The following RAD51B variants were observed in gnomAD, a reference collection of about 807,000 sequenced individuals.
RAD51B encodes RAD51 paralog B.
A neutral mutation model predicts 42.2 loss-of-function variants in RAD51B; 38 were observed. That is an observed-to-expected ratio of 0.90 (90% CI 0.70 to 1.18). RAD51B has a LOEUF of 1.18. RAD51B is among the 50% of genes most tolerant of loss of function. The probability of loss-of-function intolerance (pLI) is 0.00; values close to 1 mark genes in which losing one functional copy is unlikely to be tolerated. For missense variants in RAD51B, 373 were observed against 400.7 expected, an observed-to-expected ratio of 0.93 and a Z score of 0.59; for synonymous variants, 154 against 145.2, an observed-to-expected ratio of 1.06 and a Z score of -0.43.
Position 68,563,237 on chromosome 14 carries a change from A to G in RAD51B, c.1037-31248A>G, listed in dbSNP as rs1889243266. 5 of 985,236 alleles carry G rather than the reference A, an allele frequency of 5.1e-6. No homozygotes were observed. The South Asian group carries it at 1.9e-4, about 37-fold the overall frequency. 61.0% of individuals were successfully genotyped at this position (985,236 alleles called of 1,614,324 possible). On this transcript the variant is annotated intron_variant, in intron 10 of 10. Coordinates refer to the RAD51B transcript ENST00000487270. The stretch of plus-strand genomic sequence containing the variant: ...CTCCTCCGTCTCTCATTGCCACATC[A>G]TTACCTGCAGAGTTCAATGAAAAGC...
intron 10 of RAD51B, chr14:68,541,595 C>A (rs1362575686): frequency 3.0e-6 from 3 of 985,384 alleles, no homozygotes; most frequent in Non-Finnish European, 3.6e-6. Flanking sequence ...TTTTCTCATC[C>A]CTGAAATTTG....
chr14:68,300,846 G>A (rs890731764), intron 8 of RAD51B, among the ~76,000 whole-genome samples: 1 of 152,192 alleles, frequency 6.6e-6, no homozygotes, highest in African/African-American at 2.4e-5. Context: ...TGTCCCCATG[G>A]TCAGCCATGA....
At chr14:68,601,877 A>G (rs916111943) in intron 10 of RAD51B, among the ~76,000 whole-genome samples, 6 of 152,076 alleles carry the variant, frequency 3.9e-5, no homozygotes, top group African/African-American at 1.4e-4. Flanking sequence ...CACAAGCCCA[A>G]CAGGTCTAAA....
intron 8 of RAD51B, among the ~76,000 whole-genome samples, chr14:68,292,382 G>A (rs2081533961): frequency 6.6e-6 from 1 of 152,156 alleles, no homozygotes; most frequent in African/African-American, 2.4e-5. Flanking sequence ...ATGTGCCAGA[G>A]ATATGACATT....
At chr14:68,601,875 C>A (rs1891232783) in intron 10 of RAD51B, among the ~76,000 whole-genome samples, 1 of 152,126 alleles carries the variant, frequency 6.6e-6, no homozygotes, top group Non-Finnish European at 1.5e-5. Context: ...CCCACAAGCC[C>A]AACAGGTCTA....
chr14:68,450,206 CTTTTTTTTTTTTTT>C (rs67536658), intron 9 of RAD51B, among the ~76,000 whole-genome samples: 2 of 47,906 alleles, frequency 4.2e-5, no homozygotes, highest in African/African-American at 2.0e-4. Flanking sequence ...GAGCTTAGGG[CTTTTTTTTTTTTTT>C]TTTTTTTTTT....
intron 8 of RAD51B, among the ~76,000 whole-genome samples, chr14:68,342,444 C>T (rs764418378): frequency 3.3e-5 from 5 of 152,134 alleles, no homozygotes; most frequent in African/African-American, 4.8e-5. Flanking sequence ...GATAAGGAAG[C>T]ACTTCGCACA....
intron 7 of RAD51B, among the ~76,000 whole-genome samples, chr14:68,231,523 T>G (rs2080149349): frequency 6.6e-6 from 1 of 152,214 alleles, no homozygotes; most frequent in Non-Finnish European, 1.5e-5. Flanking sequence ...ATGTGTTTAT[T>G]GACTTGTGTG....
At chr14:67,882,934 G>A (rs8009455) in intron 5 of RAD51B, among the ~76,000 whole-genome samples, 57,589 of 151,966 alleles carry the variant, frequency 0.38, 11,523 homozygotes, top group Middle Eastern at 0.49. Flanking sequence ...TAGTAGAGAC[G>A]GGGTTTTGCC....
chr14:67,906,853 A>G (rs1386787153), intron 7 of RAD51B, among the ~76,000 whole-genome samples: 1 of 151,262 alleles, frequency 6.6e-6, no homozygotes, highest in Non-Finnish European at 1.5e-5. Context: ...CTTGTTGCCC[A>G]GGCTGGAGTG....
chr14:68,466,069 C>T (rs1435363858), intron 9 of RAD51B, among the ~76,000 whole-genome samples: 1 of 152,116 alleles, frequency 6.6e-6, no homozygotes, highest in Admixed American at 6.5e-5. Context: ...ATATTTTTGA[C>T]ATGAAAGTGT....
chr14:68,051,002 A>AAT (rs896013236), intron 7 of RAD51B, among the ~76,000 whole-genome samples: 39 of 151,664 alleles, frequency 2.6e-4, no homozygotes, highest in East Asian at 5.8e-4. Context: ...GCAGATATTA[A>AAT]ATATATATAT....
intron 7 of RAD51B, among the ~76,000 whole-genome samples, chr14:68,096,893 GT>G (rs748913036): frequency 3.3e-5 from 5 of 151,926 alleles, no homozygotes; most frequent in South Asian, 4.1e-4. Context: ...TATTTATTTT[GT>G]CAGTAATGAA....
In RAD51B at chr14:68,213,554, A is replaced by G. The variant is rs146453216; in HGVS notation, c.757-78330A>G. ...GAAGCTTAGGTTGATAGCAAGTAAT[A>G]AGGAAAAGATTTAGGGACATTAGTT... is the stretch of plus-strand genomic sequence containing the variant. On this transcript the variant is annotated intron_variant, in intron 7 of 10. Transcript: ENST00000471583. 2.5e-3 allele frequency among the ~76,000 whole-genome samples: 374 copies of G among 152,362 alleles called. 2 individuals are homozygous for G. Among genetic ancestry groups the G allele is most frequent in the Admixed American group, 7.6e-3 (117 of 15,308 alleles).
rs56866299 is a variant in RAD51B, at chr14:68,303,470, A to G, written c.853+11490A>G. Among the ~76,000 whole-genome samples, 13 of 126,472 alleles carry G rather than the reference A, an allele frequency of 1.0e-4. No individual in the cohort carries two copies. In the South Asian group the frequency reaches 3.7e-3, roughly 36 times the overall value. 83.0% of individuals were successfully genotyped at this position (126,472 alleles called of 152,430 possible). ...TATAAAGTATAATAAAAAAAAAAAA[A>G]AAAAAAGAAAAGAAAAAGAAATACG... On this transcript the variant is annotated intron_variant, in intron 8 of 10. Coordinates refer to ENST00000471583, the MANE Select transcript of RAD51B (RefSeq NM_133510.4).
chr14:68,272,666 T>TA (rs58623449), intron 7 of RAD51B, among the ~76,000 whole-genome samples: 136 of 4,888 alleles, frequency 0.028, no homozygotes, highest in South Asian at 0.056. Context: ...TATATATATA[T>TA]TTTTTTTTTT....
intron 10 of RAD51B, among the ~76,000 whole-genome samples, chr14:68,608,307 G>A (rs1891535673): frequency 6.6e-6 from 1 of 152,210 alleles, no homozygotes; most frequent in Non-Finnish European, 1.5e-5. Flanking sequence ...GGGGCGTCCA[G>A]CTGTGCTGTT....
chr14:68,268,413 G>T lies in RAD51B; in HGVS notation c.757-23471G>T, dbSNP rs74568860. 4.4e-3 allele frequency among the ~76,000 whole-genome samples: 671 copies of T among 152,314 alleles called. 5 individuals are homozygous for T. Among genetic ancestry groups the T allele is most frequent in the African/African-American group, 0.015 (615 of 41,568 alleles). On this transcript the variant is annotated intron_variant, in intron 7 of 10. Transcript: ENST00000471583. ...TCTTCCCCACAGGGAAGTGAAACTG[G>T]TGGTGGGTTGGAAGAGATTGAGTTT...
At chr14:67,907,388 A>G (rs2043812540) in intron 7 of RAD51B, among the ~76,000 whole-genome samples, 1 of 152,138 alleles carries the variant, frequency 6.6e-6, no homozygotes, top group Non-Finnish European at 1.5e-5. Flanking sequence ...TTTGTTATAA[A>G]ATATAGTACC....
Sources: allele counts gnomAD v4.1 joint callset (sites outside exome capture counted in the v4.1 genomes callset), GRCh38; gene constraint gnomAD v4.1.1; transcripts MANE v1.5; gene names NCBI Gene and HGNC (gene_info 2026-07-23, HGNC 2026-07-21).